Variants in INTS3 observed in about 807,000 individuals in gnomAD.
INTS3 encodes SOSS complex subunit A.
INTS3 carries 34 observed loss-of-function variants against 146.3 expected under a neutral mutation model. The ratio of observed to expected loss-of-function variants is 0.23; its 90% CI spans 0.18 to 0.31. The LOEUF is 0.31. Ranked by LOEUF, INTS3 falls within the 10% of genes least tolerant of loss-of-function variation. The pLI is 1.00. For missense variants in INTS3, 757 were observed against 1,304.2 expected, an observed-to-expected ratio of 0.58 and a Z score of 6.46; for synonymous variants, 475 against 494.9, an observed-to-expected ratio of 0.96 and a Z score of 0.53.
intron 13 of INTS3, 120 bp from the exon 14 acceptor site, chr1:153,761,450 C>T (rs1672379895): frequency 4.5e-6 from 3 of 671,608 alleles, no homozygotes; most frequent in Non-Finnish European, 7.7e-6. Context: ...GTGGAGGTTG[C>T]AGTGAGCCGA....
rs749736749 is a variant in INTS3 at position 153,728,294 on chromosome 1, T to C, written c.-341T>C. The C allele has an allele frequency of 5.2e-6, 2 of 384,822 alleles. No individual in the cohort carries two copies. The highest frequency in any genetic ancestry group is 1.3e-4 in the South Asian group (1 of 7,720). The allele number at this position is 384,822 out of a possible 1,614,324, so 23.8% of individuals were successfully genotyped here. A position where few individuals can be genotyped will look rare whatever the true frequency, so the allele number is the denominator to read the frequency against. ...GGCAGAAACTTAGGGGTTTCCCTCCTTTCTTAGGGTCAGACGCTCTTAGGG... is the reference window on the plus strand; with the variant it reads ...GGCAGAAACTTAGGGGTTTCCCTCCCTTCTTAGGGTCAGACGCTCTTAGGG... On this transcript the variant is annotated 5_prime_UTR_variant, in exon 1 of 30. Transcript: ENST00000318967.
chr1:153,732,385 G>C (rs1671101713), intron 1 of INTS3, among the ~76,000 whole-genome samples: 2 of 152,026 alleles, frequency 1.3e-5, no homozygotes, highest in South Asian at 2.1e-4. Flanking sequence ...AGTGACTCAT[G>C]GTTGTGGAAT....
Position 153,728,531 on chromosome 1 carries a change from A to G in INTS3, c.-104A>G, listed in dbSNP as rs2101764658. ...AGGGGCCCTTGCTCTCCCCTCCCCAACTTGTTCCTCTTGCCCCCCAGTCCC... is the reference window on the plus strand; with the variant it reads ...AGGGGCCCTTGCTCTCCCCTCCCCAGCTTGTTCCTCTTGCCCCCCAGTCCC... On this transcript the variant is annotated 5_prime_UTR_variant, in exon 1 of 30. Transcript: ENST00000318967. 1.4e-6 allele frequency: 2 copies of G among 1,410,744 alleles called. No individual in the cohort carries two copies. Among genetic ancestry groups the G allele is most frequent in the South Asian group, 1.4e-5 (1 of 71,028 alleles). 87.4% of individuals were successfully genotyped at this position (1,410,744 alleles called of 1,614,324 possible). A position where few individuals can be genotyped will look rare whatever the true frequency, so the allele number is the denominator to read the frequency against.
chr1:153,769,667 T>A (rs1570884242), intron 22 of INTS3, 102 bp from the exon 23 acceptor site: 2 of 306,806 alleles, frequency 6.5e-6, no homozygotes, highest in Non-Finnish European at 5.6e-6. Flanking sequence ...CTTCCTCTAA[T>A]TTTTTTTTTT....
At position 153,754,641 on chromosome 1, in the gene INTS3, G is replaced by C. The variant is rs770717512; in HGVS notation, c.860-1G>C. 1 of 1,598,812 alleles carries C rather than the reference G, an allele frequency of 6.3e-7. No homozygotes were observed. The highest frequency in any genetic ancestry group is 8.6e-7 in the Non-Finnish European group (1 of 1,166,118). On this transcript the variant is annotated splice_acceptor_variant, in intron 8 of 29. Coordinates refer to ENST00000318967, the MANE Select transcript of INTS3 (RefSeq NM_023015.5). LOFTEE classifies it high-confidence loss of function. ...TCTCTTCCCTTCCACATTTGATTCAGGTATCCTACAGCTTCTTCAGTCAAG... is the reference window on the plus strand; with the variant it reads ...TCTCTTCCCTTCCACATTTGATTCACGTATCCTACAGCTTCTTCAGTCAAG...
chr1:153,757,442 T>G lies in INTS3; in HGVS notation c.958-130T>G. 152 of 693,348 alleles carry G rather than the reference T, an allele frequency of 2.2e-4. No homozygotes were observed. The highest frequency in any genetic ancestry group is 2.8e-4 in the Non-Finnish European group (114 of 406,348). The allele number at this position is 693,348 out of a possible 1,614,324, so 42.9% of individuals were successfully genotyped here. A position where few individuals can be genotyped will look rare whatever the true frequency, so the allele number is the denominator to read the frequency against. On this transcript the variant is annotated intron_variant, in intron 9 of 29. Transcript: ENST00000318967. This position sits in a 1 kb window ranked among gnomAD's most constrained non-coding sequence, Gnocchi z 4.0. Reference sequence around the variant, plus strand: ...AGGAGGGGAGACTTACGAGACAGTATGAGCTAATGAATGAATTGTGGAGAA... The same window carrying G: ...AGGAGGGGAGACTTACGAGACAGTAGGAGCTAATGAATGAATTGTGGAGAA...
chr1:153,756,586 C>T (rs1451175599), intron 9 of INTS3, among the ~76,000 whole-genome samples: 16 of 152,074 alleles, frequency 1.1e-4, no homozygotes, highest in African/African-American at 3.6e-4. Flanking sequence ...GAGGCCAAGG[C>T]GGGTGGATCA....
At chr1:153,738,714 T>C (rs1325049413) in intron 1 of INTS3, among the ~76,000 whole-genome samples, 3 of 152,200 alleles carry the variant, frequency 2.0e-5, no homozygotes, top group Non-Finnish European at 2.9e-5. Context: ...CTACTAGTTT[T>C]ACCATCCATT....
rs778638642 is a variant in INTS3, at chr1:153,763,360, G to A, written c.1764G>A (p.Gly588=). ...ACAAAGTACTCCAGCTACAGAAGGG[G>A]AGGTGGGTACAGACCTTGTTCTCAA... ...LRDKVLQLQK[G]SDTEAQCEVM... is the part of the protein sequence containing the mutation. Residue 588 remains glycine (G), a splice_region_variant and synonymous_variant, in exon 16 of 30, where the codon GGG becomes GGA. Transcript: ENST00000318967. The A allele has an allele frequency of 1.2e-6, 2 of 1,614,020 alleles. No individual in the cohort carries two copies. Among genetic ancestry groups the A allele is most frequent in the Admixed American group, 1.7e-5 (1 of 60,026 alleles).
At chr1:153,765,091 G>T in intron 20 of INTS3, 28 bp downstream of exon 20, 1 of 1,613,398 alleles carries the variant, frequency 6.2e-7, no homozygotes. Context: ...GTTTCAAATG[G>T]TGTCAGGACA....
In INTS3 at chr1:153,757,548, T is replaced by A. The variant is rs765668270; in HGVS notation, c.958-24T>A. 1.9e-6 allele frequency: 3 copies of A among 1,609,652 alleles called. No homozygotes were observed. The African/African-American group carries it at 4.0e-5, about 22-fold the overall frequency. ...GACCCCACACTGTCTTCTAAGGTCT[T>A]TTTCTTGCTTCCCCTTTCCCCAGGT... is the stretch of plus-strand genomic sequence containing the variant. On this transcript the variant is annotated intron_variant, in intron 9 of 29. Transcript: ENST00000318967. This position sits in a 1 kb window ranked among gnomAD's most constrained non-coding sequence, Gnocchi z 4.0.
In INTS3 at chr1:153,767,695, G is replaced by T; in HGVS notation, c.2112G>T (p.Met704Ile). 1 of 1,603,902 alleles carries T rather than the reference G, an allele frequency of 6.2e-7. No individual in the cohort carries two copies. The highest frequency in any genetic ancestry group is 8.5e-7 in the Non-Finnish European group (1 of 1,173,198). Residue 704 changes from methionine (M) to isoleucine (I), a missense_variant, in exon 21 of 30, where the codon ATG (methionine) becomes ATT (isoleucine). By Grantham distance (10) the Met-to-Ile change is conservative (BLOSUM62 1). This residue lies in a region of INTS3 where 89 missense variants were observed against 210.9 expected (regional missense o/e 0.42). Coordinates refer to ENST00000318967, the MANE Select transcript of INTS3 (RefSeq NM_023015.5). ...GCAGCAAAGCCGCCGCAGGGAAGAT[G>T]AACCTGTACGAGTCATTTGCCCAGG... ...LRASKAAAGKMNLYESFAQAT... is the reference protein window; with the variant it reads ...LRASKAAAGKINLYESFAQAT...
Position 153,772,966 on chromosome 1 carries a change from C to T in INTS3, c.2936C>T (p.Ser979Phe). The change falls in exon 29 of 30, where the codon TCT (serine) becomes TTT (phenylalanine). Residue 979 changes from serine to phenylalanine, a missense_variant. This residue lies in a region of INTS3 where 125 missense variants were observed against 165.6 expected (regional missense o/e 0.75). Coordinates refer to ENST00000318967, the MANE Select transcript of INTS3 (RefSeq NM_023015.5). This position sits in a 1 kb window ranked among gnomAD's most constrained non-coding sequence, Gnocchi z 4.6. ...TCCCTGGCGGAGGAATATGAGGACT[C>T]TTCCACCAAGCCACCCAAGAGCCGG... Reference protein sequence around the residue: ...LFSLAEEYEDSSTKPPKSRRK... With the variant: ...LFSLAEEYEDFSTKPPKSRRK... 2.5e-6 allele frequency: 4 copies of T among 1,614,176 alleles called. No individual in the cohort carries two copies. Among genetic ancestry groups the T allele is most frequent in the Non-Finnish European group, 3.4e-6 (4 of 1,180,044 alleles).
chr1:153,736,270 A>G (rs1277942245), intron 1 of INTS3, among the ~76,000 whole-genome samples: 1 of 152,116 alleles, frequency 6.6e-6, no homozygotes, highest in Non-Finnish European at 1.5e-5. Flanking sequence ...TAGACCTGAT[A>G]TTAAGTTGTA....
chr1:153,742,507 T>TGTGTGTGTGTGTGTGTGTGTGC (rs1297466558), intron 3 of INTS3, among the ~76,000 whole-genome samples: 3 of 144,834 alleles, frequency 2.1e-5, no homozygotes, highest in African/African-American at 5.0e-5. Context: ...TGTGTGTGTG[T>TGTGTGTGTGTGTGTGTGTGTGC]GCGTGCGCAT....
intron 21 of INTS3, 139 bp from the exon 22 acceptor site, chr1:153,768,754 C>T: frequency 1.5e-6 from 1 of 645,914 alleles, no homozygotes; most frequent in Non-Finnish European, 2.7e-6. Flanking sequence ...GCTGTTGGAT[C>T]TCTGTTTAGG....
Position 153,728,159 on chromosome 1 carries a change from G to A in INTS3, c.-476G>A. 1 of 397,972 alleles carries A rather than the reference G, an allele frequency of 2.5e-6. No homozygotes were observed. Among genetic ancestry groups the A allele is most frequent in the Non-Finnish European group, 4.4e-6 (1 of 225,802 alleles). The allele number at this position is 397,972 out of a possible 1,614,324, so 24.7% of individuals were successfully genotyped here. A position where few individuals can be genotyped will look rare whatever the true frequency, so the allele number is the denominator to read the frequency against. ...TATTGCCTCACCCTCACCCCCTAGGGGCCGGATCCAAAGGCGCTGCACTCC... is the reference window on the plus strand; with the variant it reads ...TATTGCCTCACCCTCACCCCCTAGGAGCCGGATCCAAAGGCGCTGCACTCC... On this transcript the variant is annotated 5_prime_UTR_variant, in exon 1 of 30. Transcript: ENST00000318967.
chr1:153,757,507 T>G lies in INTS3; in HGVS notation c.958-65T>G. 4 of 1,453,090 alleles carry G rather than the reference T, an allele frequency of 2.8e-6. No homozygotes were observed. Among genetic ancestry groups the G allele is most frequent in the Non-Finnish European group, 3.8e-6 (4 of 1,047,872 alleles). 90.0% of individuals were successfully genotyped at this position (1,453,090 alleles called of 1,614,324 possible). A position where few individuals can be genotyped will look rare whatever the true frequency, so the allele number is the denominator to read the frequency against. ...CAAACCTAGAGTTAAGTGGTGCTCG[T>G]TTTCCTCTGGCCAAGGACCCCACAC... On this transcript the variant is annotated intron_variant, in intron 9 of 29. Transcript: ENST00000318967. The surrounding 1 kb of genome is among the most constrained non-coding windows in gnomAD (Gnocchi z 4.0).
chr1:153,768,487 C>G (rs1186196828), intron 21 of INTS3, among the ~76,000 whole-genome samples: 2 of 152,350 alleles, frequency 1.3e-5, no homozygotes. Context: ...TCTACACCAC[C>G]TCTTTGGCCA....
Sources: allele counts gnomAD v4.1 joint callset (sites outside exome capture counted in the v4.1 genomes callset), GRCh38; gene constraint gnomAD v4.1.1; regional missense constraint gnomAD v4.1.1; non-coding constraint Gnocchi (gnomAD v3.1); transcripts MANE v1.5; gene names NCBI Gene and HGNC (gene_info 2026-07-23, HGNC 2026-07-21).